XKR9: variants seen among roughly 807,000 people sequenced by gnomAD.
XKR9 encodes XK-related protein 9.
A neutral mutation model predicts 32.0 loss-of-function variants in XKR9; 32 were observed. That is an observed-to-expected ratio of 1.00 (90% confidence interval 0.76 to 1.34). The LOEUF (loss-of-function observed/expected upper bound fraction) is 1.34, where lower values mean the gene tolerates loss of function less well. Among genes scored for constraint, XKR9 ranks in the 40% most tolerant of loss-of-function variants. XKR9 has a pLI of 0.00. For missense variants in XKR9, 546 were observed against 429.7 expected, an observed-to-expected ratio of 1.27 and a Z score of -2.39; for synonymous variants, 168 against 143.4, an observed-to-expected ratio of 1.17 and a Z score of -1.22.
At chr8:70,715,228 G>A (rs1373489625) in intron 4 of XKR9, among the ~76,000 whole-genome samples, 2 of 152,116 alleles carry the variant, frequency 1.3e-5, no homozygotes, top group African/African-American at 4.8e-5. Flanking sequence ...TGTCCCCTAT[G>A]CTTAAACTAA....
chr8:70,760,904 C>T (rs1167198477), intron 2 of XKR9, among the ~76,000 whole-genome samples: 2 of 152,118 alleles, frequency 1.3e-5, no homozygotes, highest in Admixed American at 1.3e-4. Flanking sequence ...GCATTGTTCC[C>T]CCTATGTGTC....
chr8:70,841,152 G>A, the XKR9 span, among the ~76,000 whole-genome samples: 1 of 152,004 alleles, frequency 6.6e-6, no homozygotes, highest in Non-Finnish European at 1.5e-5. Context: ...ATAGTATTCT[G>A]TAAGTTTGAT....
At chr8:70,905,677 G>A in the XKR9 span, among the ~76,000 whole-genome samples, 12 of 152,316 alleles carry the variant, frequency 7.9e-5, no homozygotes, top group Admixed American at 4.6e-4. Context: ...GCAAGGAGCT[G>A]CGTTCCTTTG....
the XKR9 span, among the ~76,000 whole-genome samples, chr8:70,806,246 C>T: frequency 2.0e-5 from 3 of 151,670 alleles, no homozygotes; most frequent in African/African-American, 7.3e-5. Flanking sequence ...GAAGTCCCCA[C>T]AGAAACCCAT....
At chr8:70,771,721 A>G (rs1256863865) in intron 2 of XKR9, among the ~76,000 whole-genome samples, 1 of 152,154 alleles carries the variant, frequency 6.6e-6, no homozygotes, top group Admixed American at 6.5e-5. Flanking sequence ...AATAGCTGAA[A>G]TGTTCCTTAA....
chr8:70,950,701 TCTCA>T, the XKR9 span, among the ~76,000 whole-genome samples: 3 of 152,116 alleles, frequency 2.0e-5, no homozygotes, highest in South Asian at 6.2e-4. Context: ...TGAGATGGAG[TCTCA>T]CTCTGTTCCT....
chr8:70,946,648 A>G, the XKR9 span, among the ~76,000 whole-genome samples: 1 of 152,310 alleles, frequency 6.6e-6, no homozygotes, highest in South Asian at 2.1e-4. Flanking sequence ...TTATTACAGG[A>G]TTCTAGGAGG....
the XKR9 span, among the ~76,000 whole-genome samples, chr8:70,828,716 G>A: frequency 3.2e-5 from 4 of 125,004 alleles, no homozygotes; most frequent in African/African-American, 5.9e-5. Context: ...GGAAGACTAT[G>A]TCTCAAAAAA....
At chr8:71,017,877 GTCTCTCT>G in the XKR9 span, among the ~76,000 whole-genome samples, 1 of 152,178 alleles carries the variant, frequency 6.6e-6, no homozygotes, top group African/African-American at 2.4e-5. Flanking sequence ...ATCCCCAAAA[GTCTCTCT>G]TCATCATAGT....
chr8:70,968,752 T>G, the XKR9 span, among the ~76,000 whole-genome samples: 1 of 152,170 alleles, frequency 6.6e-6, no homozygotes, highest in Non-Finnish European at 1.5e-5. Context: ...CCTTGGTCCC[T>G]CCCGTACCTG....
chr8:70,796,055 A>AT, the XKR9 span, among the ~76,000 whole-genome samples: 12,239 of 142,900 alleles, frequency 0.086, 552 homozygotes, highest in Non-Finnish European at 0.099. Context: ...TGAGATTTTG[A>AT]TTTTTTTTTT....
At chr8:70,874,953 G>C in the XKR9 span, among the ~76,000 whole-genome samples, 1 of 152,008 alleles carries the variant, frequency 6.6e-6, no homozygotes, top group Admixed American at 6.6e-5. Flanking sequence ...TTCTGCCTTC[G>C]GTCACATGCT....
At chr8:70,724,534 G>A (rs941805269) in intron 4 of XKR9, among the ~76,000 whole-genome samples, 1 of 152,114 alleles carries the variant, frequency 6.6e-6, no homozygotes, top group Admixed American at 6.6e-5. Flanking sequence ...GCACATGAAG[G>A]TTCTCCTGGT....
At chr8:70,718,108 C>T (rs1226376124) in intron 4 of XKR9, among the ~76,000 whole-genome samples, 3 of 152,062 alleles carry the variant, frequency 2.0e-5, no homozygotes, top group African/African-American at 7.2e-5. Flanking sequence ...TAGGAAGTTC[C>T]AAACTTTCCC....
the XKR9 span, among the ~76,000 whole-genome samples, chr8:70,818,568 T>G: frequency 6.6e-6 from 1 of 152,186 alleles, no homozygotes; most frequent in Non-Finnish European, 1.5e-5. Context: ...AATGAATATA[T>G]CTGAGTGTCC....
the XKR9 span, among the ~76,000 whole-genome samples, chr8:70,965,334 G>C: frequency 2.2e-4 from 34 of 152,304 alleles, no homozygotes; most frequent in African/African-American, 8.2e-4. Flanking sequence ...CGATGTGCTT[G>C]CTGGATTCAA....
At chr8:70,929,711 C>A in the XKR9 span, among the ~76,000 whole-genome samples, 1 of 152,200 alleles carries the variant, frequency 6.6e-6, no homozygotes, top group Non-Finnish European at 1.5e-5. Context: ...CTTCCATCTT[C>A]AAGCTAGAAA....
chr8:70,680,225 G>T (rs1370373287), intron 2 of XKR9, among the ~76,000 whole-genome samples: 1 of 152,090 alleles, frequency 6.6e-6, no homozygotes, highest in Non-Finnish European at 1.5e-5. Context: ...AGGCTGCATG[G>T]TGTATCCTTT....
At chr8:70,815,344 C>T in the XKR9 span, among the ~76,000 whole-genome samples, 19 of 151,898 alleles carry the variant, frequency 1.3e-4, no homozygotes, top group Admixed American at 2.6e-4. Flanking sequence ...TCCAATAGGC[C>T]TCTGTGTGTG....
Sources: gnomAD v4.1 joint callset for allele counts (sites outside exome capture counted in the v4.1 genomes callset) on GRCh38, gnomAD v4.1.1 for gene constraint, MANE v1.5 for transcripts, NCBI Gene and HGNC (gene_info 2026-07-23, HGNC 2026-07-21) for gene names.